Variants in ZNF331 observed in about 807,000 individuals in gnomAD.
ZNF331 encodes zinc finger protein 331.
Under a neutral mutation model 7.0 loss-of-function variants are expected in ZNF331, and 2 were observed. That is an observed-to-expected ratio of 0.29 (90% CI 0.12 to 0.90). The LOEUF is 0.90. Among genes scored for constraint, ZNF331 ranks in the 40% least tolerant of loss-of-function variants. The pLI is 0.58. For missense variants in ZNF331, 432 were observed against 587.7 expected (o/e 0.74, Z 2.74); for synonymous variants, 196 against 205.4 (o/e 0.95, Z 0.39).
In ZNF331 at chr19:53,576,938, TAAG is replaced by T. The variant is rs766379010; in HGVS notation, c.379_381del (p.Lys127del). The T allele has an allele frequency of 1.9e-6, 3 of 1,614,092 alleles. No homozygotes were observed. The Admixed American group carries it at 5.0e-5, about 27-fold the overall frequency. On this transcript the variant is annotated inframe_deletion, in exon 6 of 6. Coordinates refer to ENST00000449416, the MANE Select transcript of ZNF331 (RefSeq NM_001079906.2). ...CTCCTAGAACACATCAGAGACATCA[TAAG>T]GAGAATTCCTTTGAATGTAAGGACT...
rs553491864 is a variant in ZNF331, at chr19:53,547,802, A to T, written c.-137-8043A>T. On this transcript the variant is annotated intron_variant, in intron 2 of 5. Coordinates refer to ENST00000449416, the MANE Select transcript of ZNF331 (RefSeq NM_001079906.2). ...AGTGATCCTGAGCAATTTTTCACAG[A>T]CCTATAGCAATTTGTATGTGTTCTA... Among the ~76,000 whole-genome samples, 9 of 152,234 alleles carry T rather than the reference A, an allele frequency of 5.9e-5. No individual in the cohort carries two copies. In the South Asian group the frequency reaches 1.7e-3, roughly 28 times the overall value.
At chr19:53,550,529 C>CTTTTTTTTTTTTTTTTTTTTTTTT (rs60619357) in intron 2 of ZNF331, among the ~76,000 whole-genome samples, 1 of 64,540 alleles carries the variant, frequency 1.5e-5, no homozygotes, top group African/African-American at 6.5e-5. Flanking sequence ...TCTATTTTGT[C>CTTTTTTTTTTTTTTTTTTTTTTTT]TTTTTTTTTT....
chr19:53,544,704 A>G (rs1010126943), intron 2 of ZNF331, among the ~76,000 whole-genome samples: 2 of 151,986 alleles, frequency 1.3e-5, no homozygotes, highest in African/African-American at 4.8e-5. Context: ...AATCTGTGTC[A>G]CTATCCTGGC....
At chr19:53,545,195 A>G (rs1340301205) in intron 2 of ZNF331, among the ~76,000 whole-genome samples, 1 of 152,126 alleles carries the variant, frequency 6.6e-6, no homozygotes, top group Non-Finnish European at 1.5e-5. Context: ...ACATACATTT[A>G]TGTACTTCTG....
chr19:53,527,731 A>G (rs1023858283), intron 2 of ZNF331, among the ~76,000 whole-genome samples: 4 of 152,230 alleles, frequency 2.6e-5, no homozygotes, highest in Non-Finnish European at 5.9e-5. Flanking sequence ...GTCACATTAC[A>G]TTTGTGTACA....
chr19:53,538,626 A>T (rs1164427586), intron 1 of ZNF331: 1 of 153,106 alleles, frequency 6.5e-6, no homozygotes, highest in Non-Finnish European at 1.5e-5. Context: ...AGGGGCGCAG[A>T]TGTGTCTCAG....
chr19:53,506,468 CTCTCTCTCTCTCTG>C, the ZNF331 span, among the ~76,000 whole-genome samples: 3 of 144,504 alleles, frequency 2.1e-5, no homozygotes, highest in Admixed American at 2.1e-4. Flanking sequence ...CTCTCTCTCT[CTCTCTCTCTCTCTG>C]TCTGTCTCTC....
intron 2 of ZNF331, among the ~76,000 whole-genome samples, chr19:53,529,860 G>C (rs1339145079): frequency 6.6e-6 from 1 of 152,168 alleles, no homozygotes; most frequent in African/African-American, 2.4e-5. Context: ...TGTGATCACG[G>C]ACTGTGGGGA....
the ZNF331 span, among the ~76,000 whole-genome samples, chr19:53,512,940 G>C: frequency 1.3e-3 from 183 of 145,162 alleles, 7 homozygotes; most frequent in Admixed American, 3.0e-3. Flanking sequence ...TGCCAAAAAC[G>C]CTGGGAACCG....
intron 2 of ZNF331, among the ~76,000 whole-genome samples, chr19:53,531,899 A>G (rs2087554623): frequency 1.3e-5 from 2 of 152,194 alleles, no homozygotes; most frequent in South Asian, 2.1e-4. Flanking sequence ...TATGGGCCAC[A>G]TATAGTTCTG....
intron 3 of ZNF331, among the ~76,000 whole-genome samples, chr19:53,561,189 G>C (rs73587720): frequency 0.03 from 4,488 of 152,092 alleles, 233 homozygotes; most frequent in African/African-American, 0.1. Flanking sequence ...CATTTGAGAG[G>C]CAGGCCTATC....
At chr19:53,519,490 A>G (rs1394585497), upstream of ZNF331, among the ~76,000 whole-genome samples, 1 of 152,218 alleles carries the variant, frequency 6.6e-6, no homozygotes, top group Non-Finnish European at 1.5e-5. Flanking sequence ...GCCCAACTAC[A>G]AAAACCATCC....
At chr19:53,505,705 G>A in the ZNF331 span, among the ~76,000 whole-genome samples, 1 of 152,222 alleles carries the variant, frequency 6.6e-6, no homozygotes, top group African/African-American at 2.4e-5. Flanking sequence ...ATGCAGCAGA[G>A]GCCGGGCGTG....
chr19:53,575,811 G>C (rs1365448029), intron 5 of ZNF331, among the ~76,000 whole-genome samples: 1 of 152,042 alleles, frequency 6.6e-6, no homozygotes, highest in Non-Finnish European at 1.5e-5. Flanking sequence ...AGCCTCCGGA[G>C]TAGCTGGGAT....
At position 53,578,653 on chromosome 19, in the gene ZNF331, G is replaced by A. The variant is rs1191501609; in HGVS notation, c.*701G>A. 2.9e-5 allele frequency: 6 copies of A among 204,580 alleles called. No individual in the cohort carries two copies. Among genetic ancestry groups the A allele is most frequent in the Non-Finnish European group, 6.0e-5 (6 of 100,022 alleles). The allele number at this position is 204,580 out of a possible 1,614,324, so 12.7% of individuals were successfully genotyped here. Reference sequence around the variant, plus strand: ...ATCTGTGGTTTCAGGTGTCCACTGCGGGTCTTCAAACGTACCCCCCTCAGG... The same window carrying A: ...ATCTGTGGTTTCAGGTGTCCACTGCAGGTCTTCAAACGTACCCCCCTCAGG... On this transcript the variant is annotated 3_prime_UTR_variant, in exon 6 of 6. Coordinates refer to ENST00000449416, the MANE Select transcript of ZNF331 (RefSeq NM_001079906.2).
At chr19:53,510,810 C>T in the ZNF331 span, among the ~76,000 whole-genome samples, 6 of 150,266 alleles carry the variant, frequency 4.0e-5, no homozygotes, top group South Asian at 4.1e-4. Flanking sequence ...GCTGTAACTT[C>T]TTATGTGTAC....
At chr19:53,531,870 G>A (rs149444471) in intron 2 of ZNF331, among the ~76,000 whole-genome samples, 2 of 152,220 alleles carry the variant, frequency 1.3e-5, no homozygotes, top group Non-Finnish European at 2.9e-5. Context: ...TCTGTAAAAC[G>A]TTCAGCAGTA....
the ZNF331 span, among the ~76,000 whole-genome samples, chr19:53,510,197 CACTT>C: frequency 1.3e-5 from 2 of 152,220 alleles, no homozygotes; most frequent in African/African-American, 2.4e-5. Context: ...GGCAGAGAAA[CACTT>C]ACAATAGTCA....
intron 2 of ZNF331, among the ~76,000 whole-genome samples, chr19:53,543,600 AAAG>A (rs1392835571): frequency 6.6e-6 from 1 of 152,216 alleles, no homozygotes; most frequent in African/African-American, 2.4e-5. Context: ...AAAACTATAA[AAAG>A]AAAAACTTTT....
Sources: allele counts gnomAD v4.1 joint callset (sites outside exome capture counted in the v4.1 genomes callset), GRCh38; gene constraint gnomAD v4.1.1; transcripts MANE v1.5; gene names NCBI Gene and HGNC (gene_info 2026-07-23, HGNC 2026-07-21).